THRB: variants seen among roughly 807,000 people sequenced by gnomAD.
The protein encoded by THRB is nuclear receptor subfamily 1 group A member 2.
In THRB, 12 loss-of-function variants were observed where a neutral mutation model predicts 47.8. That is an observed-to-expected ratio of 0.25 (90% CI 0.16 to 0.41). The LOEUF (loss-of-function observed/expected upper bound fraction) is 0.41. THRB is among the 10% of genes least tolerant of loss of function. The pLI, the probability that THRB is intolerant of heterozygous loss-of-function variation, is 1.00. For synonymous variants in THRB, 218 were observed against 212.2 expected, an observed-to-expected ratio of 1.03 and a Z score of -0.24; for missense variants, 348 against 589.2, an observed-to-expected ratio of 0.59 and a Z score of 4.24.
intron 1 of THRB, among the ~76,000 whole-genome samples, chr3:24,340,408 C>G (rs1026833388): frequency 3.3e-5 from 5 of 151,868 alleles, no homozygotes; most frequent in Non-Finnish European, 5.9e-5. Context: ...TTTTCTCTCT[C>G]TCTCTCTCTC....
chr3:24,364,027 G>A (rs1466074638), intron 1 of THRB, among the ~76,000 whole-genome samples: 1 of 152,154 alleles, frequency 6.6e-6, no homozygotes, highest in Non-Finnish European at 1.5e-5. Context: ...CAAAATGACT[G>A]TCTTGAACTG....
intron 1 of THRB, among the ~76,000 whole-genome samples, chr3:24,464,777 C>T (rs1265579387): frequency 6.6e-6 from 1 of 152,060 alleles, no homozygotes; most frequent in African/African-American, 2.4e-5. Flanking sequence ...CATTTTATTT[C>T]TGTAGAGATT....
At chr3:24,189,273 C>T (rs1198179106) in intron 5 of THRB, among the ~76,000 whole-genome samples, 1 of 151,888 alleles carries the variant, frequency 6.6e-6, no homozygotes, top group Admixed American at 6.6e-5. Flanking sequence ...AAATAGACCC[C>T]CCCTTTTCTT....
At chr3:24,306,870 T>C (rs777522020) in intron 2 of THRB, among the ~76,000 whole-genome samples, 9 of 152,166 alleles carry the variant, frequency 5.9e-5, no homozygotes, top group Non-Finnish European at 1.2e-4. Context: ...AATTAACTGA[T>C]AGAGTTTAAT....
At chr3:24,489,609 G>C (rs1697834097) in intron 1 of THRB, among the ~76,000 whole-genome samples, 1 of 152,190 alleles carries the variant, frequency 6.6e-6, no homozygotes. Context: ...AGATCCTGAA[G>C]TTCACAGCAG....
chr3:24,125,852 C>T (rs2032667913), intron 10 of THRB, among the ~76,000 whole-genome samples: 1 of 152,094 alleles, frequency 6.6e-6, no homozygotes, highest in South Asian at 2.1e-4. Context: ...TGGCTAGAAG[C>T]AAGGTACAGG....
At chr3:24,208,836 G>A (rs1286305966) in intron 4 of THRB, among the ~76,000 whole-genome samples, 1 of 152,136 alleles carries the variant, frequency 6.6e-6, no homozygotes, top group Non-Finnish European at 1.5e-5. Flanking sequence ...AGCCAAAATT[G>A]ACAAATGGGT....
At chr3:24,204,185 G>A (rs530000727) in intron 4 of THRB, among the ~76,000 whole-genome samples, 1 of 152,372 alleles carries the variant, frequency 6.6e-6, no homozygotes, top group Admixed American at 6.5e-5. Context: ...TTTGATATCT[G>A]AAAACAGACA....
intron 9 of THRB, among the ~76,000 whole-genome samples, chr3:24,130,860 G>A (rs1308200619): frequency 6.6e-6 from 1 of 152,126 alleles, no homozygotes; most frequent in Non-Finnish European, 1.5e-5. Flanking sequence ...GTGAAAAATT[G>A]GAAATGAACT....
intron 1 of THRB, among the ~76,000 whole-genome samples, chr3:24,386,699 AAC>A (rs1251904123): frequency 6.6e-6 from 1 of 152,136 alleles, no homozygotes; most frequent in Non-Finnish European, 1.5e-5. Flanking sequence ...TCAAGTGAGA[AAC>A]AGTATAATTT....
intron 1 of THRB, among the ~76,000 whole-genome samples, chr3:24,462,091 G>A (rs903220783): frequency 2.0e-5 from 3 of 152,086 alleles, no homozygotes; most frequent in East Asian, 3.9e-4. Context: ...AAGACAATAG[G>A]TGAGTTTCTA....
intron 5 of THRB, among the ~76,000 whole-genome samples, chr3:24,154,834 A>G (rs2149138068): frequency 6.6e-6 from 1 of 152,330 alleles, no homozygotes; most frequent in South Asian, 2.1e-4. Flanking sequence ...GAAGACTTTC[A>G]AGTTCTTAGT....
chr3:24,153,144 G>C (rs953158997), intron 5 of THRB, among the ~76,000 whole-genome samples: 15 of 152,018 alleles, frequency 9.9e-5, no homozygotes, highest in Non-Finnish European at 1.6e-4. Context: ...TTCAAAACCT[G>C]TTTTCACAAG....
At chr3:24,214,610 C>A (rs111687092) in intron 4 of THRB, among the ~76,000 whole-genome samples, 6 of 152,184 alleles carry the variant, frequency 3.9e-5, no homozygotes, top group Non-Finnish European at 7.3e-5. Flanking sequence ...GCTGAGATGC[C>A]GACATGGTGT....
intron 7 of THRB, among the ~76,000 whole-genome samples, chr3:24,145,078 A>C (rs1313535665): frequency 6.6e-6 from 1 of 151,142 alleles, no homozygotes; most frequent in Non-Finnish European, 1.5e-5. Flanking sequence ...AGCCCTGTTA[A>C]GTCATTTTGG....
intron 5 of THRB, among the ~76,000 whole-genome samples, chr3:24,169,800 C>A (rs1226769621): frequency 6.7e-6 from 1 of 149,392 alleles, no homozygotes; most frequent in Admixed American, 6.7e-5. Flanking sequence ...CATGACCCAC[C>A]ACCTGTTTCG....
At chr3:24,209,196 A>G (rs191767269) in intron 4 of THRB, among the ~76,000 whole-genome samples, 11 of 152,342 alleles carry the variant, frequency 7.2e-5, no homozygotes, top group African/African-American at 2.6e-4. Context: ...CAGATGCTAG[A>G]GAGGATGTGG....
chr3:24,207,330 G>C (rs1055221711), intron 4 of THRB, among the ~76,000 whole-genome samples: 2 of 152,124 alleles, frequency 1.3e-5, no homozygotes, highest in African/African-American at 2.4e-5. Context: ...GGGATGCAAG[G>C]CTGGTTCAAC....
intron 6 of THRB, among the ~76,000 whole-genome samples, chr3:24,150,365 G>T (rs902974545): frequency 3.9e-5 from 6 of 152,100 alleles, no homozygotes; most frequent in Non-Finnish European, 5.9e-5. Context: ...TTTCCAAGAT[G>T]CTTTGTCATT....
Sources: gnomAD v4.1 joint callset for allele counts (sites outside exome capture counted in the v4.1 genomes callset) on GRCh38, gnomAD v4.1.1 for gene constraint, MANE v1.5 for transcripts, NCBI Gene and HGNC (gene_info 2026-07-23, HGNC 2026-07-21) for gene names.